Variants in SPAG11A observed in about 807,000 individuals in gnomAD.
The protein encoded by SPAG11A is sperm associated antigen 11A.
In SPAG11A, 2 loss-of-function variants were observed where a neutral mutation model predicts 5.5. That is an observed-to-expected ratio of 0.37 (90% CI 0.15 to 1.15). The LOEUF is 1.15. SPAG11A is among the 50% of genes most tolerant of loss of function. The pLI is 0.38. For missense variants in SPAG11A, 24 were observed against 122.5 expected (o/e 0.20, Z 3.80); for synonymous variants, 11 against 42.7 (o/e 0.26, Z 2.90).
intron 2 of SPAG11A, among the ~76,000 whole-genome samples, chr8:7,852,357 A>C (rs1291164113): frequency 6.6e-6 from 1 of 152,180 alleles, no homozygotes; most frequent in Non-Finnish European, 1.5e-5. Context: ...CTTGTTGCCC[A>C]GGCTGGAGTG....
chr8:7,857,626 TC>T (rs1179794735), intron 2 of SPAG11A, among the ~76,000 whole-genome samples: 1 of 76,546 alleles, frequency 1.3e-5, no homozygotes, highest in Non-Finnish European at 3.5e-5. Flanking sequence ...TTTTTTTCTC[TC>T]TTTTTTTTTG....
chr8:7,852,333 G>C (rs1021929442), intron 2 of SPAG11A, among the ~76,000 whole-genome samples: 2 of 151,714 alleles, frequency 1.3e-5, no homozygotes, highest in East Asian at 3.9e-4. Flanking sequence ...TTTTTTTTGA[G>C]ACAGAGTTTC....
At chr8:7,852,641 G>A (rs538765702) in intron 2 of SPAG11A, among the ~76,000 whole-genome samples, 52 of 151,948 alleles carry the variant, frequency 3.4e-4, no homozygotes, top group East Asian at 7.8e-4. Flanking sequence ...CCAGGTTACC[G>A]CTTTATTCTT....
chr8:7,857,391 G>T (rs199625803), intron 2 of SPAG11A, among the ~76,000 whole-genome samples: 23,246 of 75,256 alleles, frequency 0.31, 495 homozygotes, highest in East Asian at 0.38. Context: ...GTATCATCTT[G>T]GTGTGGAAGC....
downstream of SPAG11A, chr8:7,863,504 C>T (rs1350671203): frequency 6.3e-7 from 1 of 1,598,046 alleles, no homozygotes; most frequent in Non-Finnish European, 8.6e-7. Flanking sequence ...GGAACAGGGA[C>T]AGGCCAGCAG....
chr8:7,858,266 T>A, intron 2 of SPAG11A, among the ~76,000 whole-genome samples: 1 of 116,536 alleles, frequency 8.6e-6, no homozygotes, highest in Non-Finnish European at 2.0e-5. Flanking sequence ...AATGTGCAGC[T>A]TTATCCACTG....
chr8:7,863,213 A>ATTTT (rs869056010), downstream of SPAG11A, among the ~76,000 whole-genome samples: 1,603 of 7,530 alleles, frequency 0.21, 650 homozygotes, highest in Non-Finnish European at 0.36. Context: ...TGCAGATGGG[A>ATTTT]TTTTTTTTTT....
intron 2 of SPAG11A, among the ~76,000 whole-genome samples, chr8:7,857,426 AT>A (rs1160731165): frequency 9.5e-6 from 1 of 105,798 alleles, no homozygotes; most frequent in African/African-American, 2.9e-5. Context: ...GGCAAATGAA[AT>A]TGCTTTTCTT....
intron 2 of SPAG11A, among the ~76,000 whole-genome samples, chr8:7,857,443 C>CTTTTTTTTTTTT (rs746499721): frequency 2.2e-5 from 1 of 44,682 alleles, no homozygotes; most frequent in African/African-American, 6.2e-5. Context: ...TTCTTTCTTT[C>CTTTTTTTTTTTT]TTTTTTTTTT....
At chr8:7,859,955 A>AC (rs1322990785) in intron 2 of SPAG11A, among the ~76,000 whole-genome samples, 1 of 148,358 alleles carries the variant, frequency 6.7e-6, no homozygotes, top group Non-Finnish European at 1.5e-5. Context: ...CAGGGATTAG[A>AC]CCCCGTTTGG....
chr8:7,852,856 ATTTTTT>A (rs747969353), intron 2 of SPAG11A, among the ~76,000 whole-genome samples: 3 of 38,252 alleles, frequency 7.8e-5, no homozygotes, highest in African/African-American at 2.1e-4. Context: ...GAGCCCTTCT[ATTTTTT>A]TTTTTTTTTT....
intron 2 of SPAG11A, among the ~76,000 whole-genome samples, chr8:7,860,042 G>T (rs1402196828): frequency 1.3e-5 from 2 of 150,622 alleles, no homozygotes; most frequent in African/African-American, 4.9e-5. Context: ...TGCTGCTGTT[G>T]TTGCTGCTGT....
At chr8:7,857,340 A>G (rs1818068684) in intron 2 of SPAG11A, among the ~76,000 whole-genome samples, 1 of 98,804 alleles carries the variant, frequency 1.0e-5, no homozygotes, top group African/African-American at 3.1e-5. Context: ...CACAGGATAC[A>G]TTCAGAATTG....
intron 2 of SPAG11A, among the ~76,000 whole-genome samples, chr8:7,856,861 GT>G (rs1422081944): frequency 7.1e-6 from 1 of 140,406 alleles, no homozygotes; most frequent in Non-Finnish European, 1.6e-5. Flanking sequence ...TGATTTTCTA[GT>G]TTGATTTCTT....
chr8:7,856,965 TGGA>T, intron 2 of SPAG11A, among the ~76,000 whole-genome samples: 1 of 148,250 alleles, frequency 6.7e-6, no homozygotes, highest in Non-Finnish European at 1.5e-5. Flanking sequence ...GATTCAAGTC[TGGA>T]GGAGAAGGTA....
At chr8:7,860,457 T>C (rs779197621) in intron 2 of SPAG11A, 189 bp from the exon 3 acceptor site, 5 of 1,417,668 alleles carry the variant, frequency 3.5e-6, no homozygotes, top group African/African-American at 2.8e-5. Context: ...ATCATCCTCC[T>C]GGCAACATTT....
chr8:7,857,441 T>TTA (rs1818073542), intron 2 of SPAG11A, among the ~76,000 whole-genome samples: 1 of 101,158 alleles, frequency 9.9e-6, no homozygotes, highest in African/African-American at 3.1e-5. Flanking sequence ...TTTTCTTTCT[T>TTA]TCTTTTTTTT....
chr8:7,852,463 A>T (rs1399044057), intron 2 of SPAG11A, among the ~76,000 whole-genome samples: 3 of 152,230 alleles, frequency 2.0e-5, no homozygotes, highest in African/African-American at 7.2e-5. Context: ...CTTCCTAAGT[A>T]GCTGGGATTA....
At chr8:7,852,221 T>G (rs1486662151) in intron 2 of SPAG11A, among the ~76,000 whole-genome samples, 2 of 151,698 alleles carry the variant, frequency 1.3e-5, no homozygotes, top group Non-Finnish European at 2.9e-5. Context: ...CACCCTTGAT[T>G]ACTGTGTAGT....
Sources: allele counts gnomAD v4.1 joint callset (sites outside exome capture counted in the v4.1 genomes callset), GRCh38; gene constraint gnomAD v4.1.1; transcripts MANE v1.5; gene names NCBI Gene and HGNC (gene_info 2026-07-23, HGNC 2026-07-21).